ENTREP2: variants seen among roughly 807,000 people sequenced by gnomAD.
ENTREP2 encodes protein ENTREP2.
chr15:29,393,464 A>G, the ENTREP2 span, among the ~76,000 whole-genome samples: 450 of 152,150 alleles, frequency 3.0e-3, 2 homozygotes, highest in Middle Eastern at 0.01. Flanking sequence ...CCAGCCACAT[A>G]CCGCCTGACG....
the ENTREP2 span, among the ~76,000 whole-genome samples, chr15:29,424,945 C>A: frequency 6.6e-6 from 1 of 152,208 alleles, no homozygotes; most frequent in Non-Finnish European, 1.5e-5. Flanking sequence ...CTATTTCCAT[C>A]ATCAAAACCC....
At chr15:29,671,324 C>A in the ENTREP2 span, among the ~76,000 whole-genome samples, 1 of 152,178 alleles carries the variant, frequency 6.6e-6, no homozygotes, top group African/African-American at 2.4e-5. Flanking sequence ...GCTGTTCTAG[C>A]CAATTATTGA....
chr15:29,207,074 A>C, the ENTREP2 span, among the ~76,000 whole-genome samples: 1 of 152,154 alleles, frequency 6.6e-6, no homozygotes, highest in African/African-American at 2.4e-5. Context: ...CAGCTCCTGC[A>C]GCAGTGCCCT....
chr15:29,570,562 C>T, the ENTREP2 span: 2 of 1,470,538 alleles, frequency 1.4e-6, no homozygotes, highest in Middle Eastern at 1.9e-4. Context: ...TGGTGAGCGC[C>T]AGCGCGGCGA....
chr15:29,544,663 A>G, the ENTREP2 span, among the ~76,000 whole-genome samples: 2 of 152,258 alleles, frequency 1.3e-5, no homozygotes, highest in Middle Eastern at 3.4e-3. Context: ...CAAATCAACA[A>G]AGAGATCTTT....
chr15:29,220,628 A>T, the ENTREP2 span, among the ~76,000 whole-genome samples: 16 of 152,314 alleles, frequency 1.1e-4, no homozygotes, highest in Non-Finnish European at 1.5e-5. Context: ...TACATCGAAA[A>T]ATATATATCT....
the ENTREP2 span, among the ~76,000 whole-genome samples, chr15:29,608,602 T>A: frequency 2.0e-5 from 3 of 151,088 alleles, no homozygotes; most frequent in Non-Finnish European, 4.4e-5. Flanking sequence ...TTACCCAGGC[T>A]GGAGTGCAGT....
chr15:29,591,898 A>AAGAAGAAGAAGG, the ENTREP2 span, among the ~76,000 whole-genome samples: 87 of 146,026 alleles, frequency 6.0e-4, no homozygotes, highest in Non-Finnish European at 1.1e-3. Context: ...GAAGAAGAAG[A>AAGAAGAAGAAGG]GAGAAAACAC....
At chr15:29,154,253 TTTA>T in the ENTREP2 span, among the ~76,000 whole-genome samples, 2 of 152,134 alleles carry the variant, frequency 1.3e-5, no homozygotes, top group Non-Finnish European at 2.9e-5. Context: ...TTTATTACCT[TTTA>T]TTATTATTAT....
chr15:29,138,004 G>A, the ENTREP2 span, among the ~76,000 whole-genome samples: 5 of 151,800 alleles, frequency 3.3e-5, no homozygotes, highest in African/African-American at 4.8e-5. Flanking sequence ...TTGTGCATTC[G>A]TGTGTTAAAG....
the ENTREP2 span, among the ~76,000 whole-genome samples, chr15:29,495,898 T>C: frequency 1.3e-5 from 2 of 152,154 alleles, no homozygotes; most frequent in African/African-American, 2.4e-5. Context: ...TCGGGGTCTT[T>C]TGTGGTTCCC....
At chr15:29,442,042 T>G in the ENTREP2 span, among the ~76,000 whole-genome samples, 6 of 152,196 alleles carry the variant, frequency 3.9e-5, no homozygotes, top group Non-Finnish European at 8.8e-5. Context: ...CCAGCATCTA[T>G]GCTCCTTGTT....
At chr15:29,159,656 G>A in the ENTREP2 span, among the ~76,000 whole-genome samples, 1 of 151,866 alleles carries the variant, frequency 6.6e-6, no homozygotes, top group African/African-American at 2.4e-5. Flanking sequence ...TAGATACAGT[G>A]TCCACACAAA....
the ENTREP2 span, among the ~76,000 whole-genome samples, chr15:29,522,518 G>GCAGCAATCTGATGAGTGCTTC: frequency 6.6e-6 from 1 of 152,146 alleles, no homozygotes; most frequent in African/African-American, 2.4e-5. Flanking sequence ...AAAACAGATT[G>GCAGCAATCTGATGAGTGCTTC]CAGCAATCTG....
the ENTREP2 span, among the ~76,000 whole-genome samples, chr15:29,351,243 G>A: frequency 6.6e-5 from 10 of 152,188 alleles, no homozygotes; most frequent in African/African-American, 2.4e-4. Flanking sequence ...TAATGCAATG[G>A]TAAGTATTTG....
chr15:29,440,696 A>AAGGG, the ENTREP2 span, among the ~76,000 whole-genome samples: 1 of 152,066 alleles, frequency 6.6e-6, no homozygotes, highest in Non-Finnish European at 1.5e-5. Context: ...CCAGGATGAC[A>AAGGG]AGGGGCCTCC....
chr15:29,466,823 G>A, the ENTREP2 span, among the ~76,000 whole-genome samples: 18 of 141,946 alleles, frequency 1.3e-4, no homozygotes, highest in Non-Finnish European at 2.0e-4. Context: ...GGAGGGCCCA[G>A]GGGAGGATGC....
chr15:29,576,674 T>G, the ENTREP2 span, among the ~76,000 whole-genome samples: 1 of 152,332 alleles, frequency 6.6e-6, no homozygotes. Flanking sequence ...TGAATAGACA[T>G]TTCTCCTAAG....
the ENTREP2 span, among the ~76,000 whole-genome samples, chr15:29,532,500 A>C: frequency 1.3e-5 from 2 of 152,224 alleles, no homozygotes; most frequent in African/African-American, 4.8e-5. Context: ...CACTTGTTTG[A>C]GTAATTACAA....
Sources: allele counts gnomAD v4.1 joint callset (sites outside exome capture counted in the v4.1 genomes callset), GRCh38; gene constraint gnomAD v4.1.1; transcripts MANE v1.5; gene names NCBI Gene and HGNC (gene_info 2026-07-23, HGNC 2026-07-21).